The following ZNRF1 variants were observed in gnomAD, a reference collection of about 807,000 sequenced individuals.
ZNRF1 encodes zinc and ring finger 1.
In ZNRF1, 3 loss-of-function variants were observed where a neutral mutation model predicts 18.4. The ratio of observed to expected loss-of-function variants is 0.16; its 90% CI spans 0.07 to 0.42. The LOEUF is 0.42. Among genes scored for constraint, ZNRF1 ranks in the 10% least tolerant of loss-of-function variants. ZNRF1 has a pLI of 0.99. For synonymous variants in ZNRF1, 157 were observed against 144.2 expected (o/e 1.09, Z -0.64); for missense variants, 310 against 329.8 (o/e 0.94, Z 0.47).
chr16:75,066,240 A>G (rs1449592959), intron 1 of ZNRF1, among the ~76,000 whole-genome samples: 3 of 152,258 alleles, frequency 2.0e-5, no homozygotes, highest in African/African-American at 2.4e-5. Flanking sequence ...CAAATAAAGT[A>G]TCAGATAACT....
Position 74,999,138 on chromosome 16 carries a change from G to A in ZNRF1, c.-534G>A, listed in dbSNP as rs1256218201. On this transcript the variant is annotated 5_prime_UTR_variant, in exon 1 of 5. Coordinates refer to ENST00000335325, the MANE Select transcript of ZNRF1 (RefSeq NM_032268.5). ...GAGAGCGCGACGCGACGCGACCGCG[G>A]CTTCCCGAGCTGCGCCTGGCCGCCC... 6.8e-6 allele frequency: 1 copy of A among 147,254 alleles called. No individual in the cohort carries two copies. Among genetic ancestry groups the A allele is most frequent in the Non-Finnish European group, 1.5e-5 (1 of 66,172 alleles). The allele number at this position is 147,254 out of a possible 1,614,324, so 9.1% of individuals were successfully genotyped here.
rs1043051781 is a variant in ZNRF1, at chr16:75,108,602, A to T, written c.*902A>T. ...GGTTTCTGTATTTATATATTAAAATACAAAAAAAAACTTATAAAATGTTTA... is the reference window on the plus strand; with the variant it reads ...GGTTTCTGTATTTATATATTAAAATTCAAAAAAAAACTTATAAAATGTTTA... On this transcript the variant is annotated 3_prime_UTR_variant, in exon 5 of 5. Transcript: ENST00000335325. The T allele has an allele frequency of 2.5e-6, 1 of 398,918 alleles. No homozygotes were observed. Among genetic ancestry groups the T allele is most frequent in the Non-Finnish European group, 4.4e-6 (1 of 226,056 alleles). 24.7% of individuals were successfully genotyped at this position (398,918 alleles called of 1,614,324 possible). A position where few individuals can be genotyped will look rare whatever the true frequency, so the allele number is the denominator to read the frequency against.
At chr16:75,076,338 C>T (rs937893587) in intron 1 of ZNRF1, among the ~76,000 whole-genome samples, 4 of 151,988 alleles carry the variant, frequency 2.6e-5, no homozygotes, top group South Asian at 2.1e-4. Context: ...CTGATGGATC[C>T]GCTGATGTCC....
intron 1 of ZNRF1, among the ~76,000 whole-genome samples, chr16:75,092,106 C>G (rs1597906144): frequency 6.6e-6 from 1 of 151,780 alleles, no homozygotes; most frequent in African/African-American, 2.4e-5. Context: ...CAAGACCAGC[C>G]TAGGCAGCAT....
intron 1 of ZNRF1, among the ~76,000 whole-genome samples, chr16:75,039,407 A>G (rs377591849): frequency 6.6e-6 from 1 of 152,294 alleles, no homozygotes; most frequent in Non-Finnish European, 1.5e-5. Context: ...TAAAATACAG[A>G]TAATTTACTT....
chr16:75,062,837 T>C lies in ZNRF1; in HGVS notation c.425-30735T>C, dbSNP rs2035759779. 1.3e-5 allele frequency among the ~76,000 whole-genome samples: 2 copies of C among 152,240 alleles called. 1 individual carries two copies. Among genetic ancestry groups the C allele is most frequent in the Admixed American group, 1.3e-4 (2 of 15,284 alleles). ...ATAGCAAGTACCCCCTTGCCTTTTC[T>C]AATGCAGACTTTTTTAAACTGAGGT... is the stretch of plus-strand genomic sequence containing the variant. On this transcript the variant is annotated intron_variant, in intron 1 of 4. Transcript: ENST00000335325.
intron 1 of ZNRF1, among the ~76,000 whole-genome samples, chr16:75,064,678 C>T (rs919740987): frequency 9.2e-5 from 14 of 152,278 alleles, no homozygotes; most frequent in African/African-American, 3.4e-4. Context: ...TGTGGGCTGC[C>T]GCTGTGGTTT....
At chr16:75,093,045 A>C (rs1017921916) in intron 1 of ZNRF1, among the ~76,000 whole-genome samples, 1 of 152,248 alleles carries the variant, frequency 6.6e-6, no homozygotes, top group African/African-American at 2.4e-5. Flanking sequence ...CACATAAGGC[A>C]GGGTGAGCCC....
At chr16:75,069,903 C>T (rs528110403) in intron 1 of ZNRF1, among the ~76,000 whole-genome samples, 3 of 152,170 alleles carry the variant, frequency 2.0e-5, no homozygotes, top group African/African-American at 4.8e-5. Context: ...AGCCCATTCC[C>T]CTTGTAGAGT....
Position 75,000,047 on chromosome 16 carries a change from G to C in ZNRF1, c.376G>C (p.Asp126His). The change falls in exon 1 of 5, where the codon GAT becomes CAT. Residue 126 changes from aspartate to histidine, a missense_variant. Transcript: ENST00000335325. ...CCTGGGCTCCCGAGCCTCGCTGGCGGATGCTCTACCTCTGCACATCGCACC... is the reference window on the plus strand; with the variant it reads ...CCTGGGCTCCCGAGCCTCGCTGGCGCATGCTCTACCTCTGCACATCGCACC... The part of the protein sequence containing the change: ...LYLGSRASLA[D>H]ALPLHIAPRW... 3 of 1,600,478 alleles carry C rather than the reference G, an allele frequency of 1.9e-6. No individual in the cohort carries two copies. Among genetic ancestry groups the C allele is most frequent in the Non-Finnish European group, 2.6e-6 (3 of 1,174,798 alleles).
rs756726619 is a variant in ZNRF1 at position 75,106,514 on chromosome 16, C to G, written c.659C>G (p.Ser220Cys). The change falls in exon 4 of 5, where the codon TCT (serine) becomes TGT (cysteine). Residue 220 changes from serine (S) to cysteine (C), a missense_variant. Transcript: ENST00000335325. Reference sequence around the variant, plus strand: ...GACTCGTGGTTTGAAGTGAACAGATCTTGTCCGGAACACCCTGCGGACTGA... The same window carrying G: ...GACTCGTGGTTTGAAGTGAACAGATGTTGTCCGGAACACCCTGCGGACTGA... ...CIDSWFEVNRSCPEHPAD is the reference protein window; with the variant it reads ...CIDSWFEVNRCCPEHPAD The G allele has an allele frequency of 1.4e-5, 22 of 1,614,020 alleles. No homozygotes were observed. Among genetic ancestry groups the G allele is most frequent in the Non-Finnish European group, 1.9e-5 (22 of 1,180,038 alleles).
intron 1 of ZNRF1, among the ~76,000 whole-genome samples, chr16:75,023,563 AATCCCAG>A (rs1207936277): frequency 1.3e-5 from 2 of 152,120 alleles, no homozygotes; most frequent in Non-Finnish European, 2.9e-5. Flanking sequence ...AGGCACCTGT[AATCCCAG>A]CTACTCGGGA....
At chr16:75,031,089 G>T (rs1410725321) in intron 1 of ZNRF1, among the ~76,000 whole-genome samples, 1 of 150,376 alleles carries the variant, frequency 6.6e-6, no homozygotes, top group South Asian at 2.1e-4. Flanking sequence ...GCCCACCTCA[G>T]CCTCCCAAAG....
intron 1 of ZNRF1, among the ~76,000 whole-genome samples, chr16:75,086,581 A>C (rs887901304): frequency 6.6e-6 from 1 of 152,222 alleles, no homozygotes; most frequent in African/African-American, 2.4e-5. Flanking sequence ...TGTGATACCT[A>C]CAGCTTAGAA....
intron 1 of ZNRF1, among the ~76,000 whole-genome samples, chr16:75,063,468 C>T (rs1459993916): frequency 6.6e-6 from 1 of 152,174 alleles, no homozygotes; most frequent in Non-Finnish European, 1.5e-5. Context: ...TGCTTGGCAT[C>T]CAGGGTGCTG....
rs1245740746 is a variant in ZNRF1, at chr16:75,110,096, G to C, written c.*2396G>C. The C allele has an allele frequency of 6.6e-6, 1 of 152,336 alleles. No homozygotes were observed. Among genetic ancestry groups the C allele is most frequent in the African/African-American group, 2.4e-5 (1 of 41,474 alleles). 9.4% of individuals were successfully genotyped at this position (152,336 alleles called of 1,614,324 possible). ...TGGGGCAGGGCTGTAGCCCACGCCGGGTGCTATTCCAGGCTCTAGGGGCTG... is the reference window on the plus strand; with the variant it reads ...TGGGGCAGGGCTGTAGCCCACGCCGCGTGCTATTCCAGGCTCTAGGGGCTG... On this transcript the variant is annotated 3_prime_UTR_variant, in exon 5 of 5. Coordinates refer to ENST00000335325, the MANE Select transcript of ZNRF1 (RefSeq NM_032268.5).
chr16:75,029,299 A>G (rs1026519587), intron 1 of ZNRF1, among the ~76,000 whole-genome samples: 20 of 152,076 alleles, frequency 1.3e-4, no homozygotes, highest in South Asian at 2.1e-4. Flanking sequence ...GGTGCCCACC[A>G]CCATGCCCGG....
chr16:75,048,622 G>A (rs1012341022), intron 1 of ZNRF1, among the ~76,000 whole-genome samples: 5 of 152,090 alleles, frequency 3.3e-5, no homozygotes, highest in South Asian at 2.1e-4. Context: ...GTAACTTGTC[G>A]GCTCTCGAGA....
At chr16:75,036,878 A>G (rs1356096249) in intron 1 of ZNRF1, among the ~76,000 whole-genome samples, 2 of 152,318 alleles carry the variant, frequency 1.3e-5, no homozygotes, top group East Asian at 1.9e-4. Flanking sequence ...TGCTTAGAGT[A>G]TATTCGAGAA....
Sources: gnomAD v4.1 joint callset for allele counts (sites outside exome capture counted in the v4.1 genomes callset) on GRCh38, gnomAD v4.1.1 for gene constraint, MANE v1.5 for transcripts, NCBI Gene and HGNC (gene_info 2026-07-23, HGNC 2026-07-21) for gene names.